Variants in DAXX observed in about 807,000 individuals in gnomAD.
DAXX encodes the protein death domain-associated protein 6.
A neutral mutation model predicts 61.9 loss-of-function variants in DAXX; 24 were observed. That is an observed-to-expected ratio of 0.39 (90% CI 0.28 to 0.55). The LOEUF is 0.55. Ranked by LOEUF, DAXX falls within the 20% of genes least tolerant of loss-of-function variation. The pLI is 0.69. For missense variants in DAXX, 819 were observed against 935.3 expected (o/e 0.88, Z 1.62); for synonymous variants, 357 against 369.5 (o/e 0.97, Z 0.39).
At position 33,321,467 on chromosome 6, in the gene DAXX, G is replaced by A. The variant is rs200370559; in HGVS notation, c.308C>T (p.Ala103Val). ...QRAHSLFLAS[A>V]EFCNILSRVL... ...CCTAGAGAGGATGTTGCAGAACTCC[G>A]CCGAGGCCAAAAACAGAGAGTGGGC... The change falls in exon 3 of 8, where the codon GCG becomes GTG. Residue 103 changes from alanine (A) to valine (V), a missense_variant. Ala to Val is a moderately conservative substitution (Grantham distance 64). Coordinates refer to ENST00000374542, the MANE Select transcript of DAXX (RefSeq NM_001141969.2). This position sits in a 1 kb window ranked among gnomAD's most constrained non-coding sequence, Gnocchi z 7.2. The A allele has an allele frequency of 4.3e-5, 70 of 1,614,048 alleles. No individual in the cohort carries two copies. The highest frequency in any genetic ancestry group is 3.3e-4 in the African/African-American group (25 of 74,996).
At position 33,319,768 on chromosome 6, in the gene DAXX, A is replaced by T. The variant is rs1432371914; in HGVS notation, c.1552T>A (p.Ser518Thr). Reference sequence around the variant, plus strand: ...CGTCCTTTGTTTTGCTGCTCCCCTGAAGATCTGCTGATCTGTTTGCCAGGT... The same window carrying T: ...CGTCCTTTGTTTTGCTGCTCCCCTGTAGATCTGCTGATCTGTTTGCCAGGT... ...LEPGKQISRS[S>T]GEQQNKGRIV... Residue 518 changes from serine to threonine, a missense_variant, in exon 6 of 8, where the codon TCA (serine) becomes ACA (threonine). Ser to Thr is a moderately conservative substitution (Grantham distance 58). Coordinates refer to ENST00000374542, the MANE Select transcript of DAXX (RefSeq NM_001141969.2). The T allele has an allele frequency of 1.2e-6, 2 of 1,614,160 alleles. No individual in the cohort carries two copies. Among genetic ancestry groups the T allele is most frequent in the Admixed American group, 3.3e-5 (2 of 60,018 alleles).
At position 33,321,818 on chromosome 6, in the gene DAXX, T is replaced by C. The variant is rs1770661499; in HGVS notation, c.108A>G (p.Ala36=). The part of the protein sequence containing the change: ...HPLPNAASPG[A]EAPSSSEPHG... Reference sequence around the variant, plus strand: ...GAGGCTCAGAGGAGCTAGGGGCTTCTGCCCCAGGTGAGGCCGCATTGGGGA... The same window carrying C: ...GAGGCTCAGAGGAGCTAGGGGCTTCCGCCCCAGGTGAGGCCGCATTGGGGA... Residue 36 remains alanine, a synonymous_variant, in exon 2 of 8, where the codon GCA becomes GCG. Coordinates refer to ENST00000374542, the MANE Select transcript of DAXX (RefSeq NM_001141969.2). The surrounding 1 kb of genome is among the most constrained non-coding windows in gnomAD (Gnocchi z 7.2). 7 of 1,610,016 alleles carry C rather than the reference T, an allele frequency of 4.3e-6. No homozygotes were observed. The highest frequency in any genetic ancestry group is 5.1e-6 in the Non-Finnish European group (6 of 1,176,692).
In DAXX at chr6:33,320,348, A is replaced by AT; in HGVS notation, c.1251+31dup. 3 of 1,521,160 alleles carry AT rather than the reference A, an allele frequency of 2.0e-6. No homozygotes were observed. Among genetic ancestry groups the AT allele is most frequent in the Non-Finnish European group, 2.7e-6 (3 of 1,094,974 alleles). The allele number at this position is 1,521,160 out of a possible 1,614,324, so 94.2% of individuals were successfully genotyped here. A position where few individuals can be genotyped will look rare whatever the true frequency, so the allele number is the denominator to read the frequency against. On this transcript the variant is annotated intron_variant, in intron 4 of 7. Coordinates refer to ENST00000374542, the MANE Select transcript of DAXX (RefSeq NM_001141969.2). The surrounding 1 kb of genome is among the most constrained non-coding windows in gnomAD (Gnocchi z 7.1). ...TGGTGGCCAGTGCAGGGGAAGGACA[A>AT]TGTCTCTCTGAAGGCTGTACCCCAT... is the stretch of plus-strand genomic sequence containing the variant.
Position 33,321,845 on chromosome 6 carries a change from T to C in DAXX, c.81A>G (p.Pro27=). The change falls in exon 2 of 8, where the codon CCA becomes CCG. Residue 27 remains proline (P), a synonymous_variant. Coordinates refer to ENST00000374542, the MANE Select transcript of DAXX (RefSeq NM_001141969.2). The surrounding 1 kb of genome is among the most constrained non-coding windows in gnomAD (Gnocchi z 7.2). ...EAAAQPGPSH[P]LPNAASPGAE... The stretch of plus-strand genomic sequence containing the variant: ...CCCCAGGTGAGGCCGCATTGGGGAG[T>C]GGGTGGGAGGGCCCTGGCTGAGCAG... The C allele has an allele frequency of 6.2e-7, 1 of 1,611,412 alleles. No individual in the cohort carries two copies.
rs2150992965 is a variant in DAXX, at chr6:33,320,567, G to A, written c.1064C>T (p.Pro355Leu). 6.2e-7 allele frequency: 1 copy of A among 1,613,882 alleles called. No individual in the cohort carries two copies. Among genetic ancestry groups the A allele is most frequent in the Admixed American group, 1.7e-5 (1 of 60,012 alleles). ...TTCCCGAAGGCGCCGGGCCAACACA[G>A]GATCTGATAGTGCAGGGTCAACGCC... ...RPGVDPALSD[P>L]VLARRLRENR... Residue 355 changes from proline (P) to leucine (L), a missense_variant, in exon 4 of 8, where the codon CCT becomes CTT. Transcript: ENST00000374542. The surrounding 1 kb of genome is among the most constrained non-coding windows in gnomAD (Gnocchi z 7.1).
At position 33,318,821 on chromosome 6, in the gene DAXX, CA is replaced by C; in HGVS notation, c.2164-20del. On this transcript the variant is annotated intron_variant, in intron 7 of 7. Coordinates refer to ENST00000374542, the MANE Select transcript of DAXX (RefSeq NM_001141969.2). ...CACTTGTCTGCAGGGAAGTGAGAGA[CA>C]AAGAGTCAAAGAGATCTGGAGTACA... The C allele has an allele frequency of 7.0e-7, 1 of 1,429,374 alleles. No individual in the cohort carries two copies. The highest frequency in any genetic ancestry group is 9.7e-7 in the Non-Finnish European group (1 of 1,033,672). 88.5% of individuals were successfully genotyped at this position (1,429,374 alleles called of 1,614,324 possible).
intron 1 of DAXX, 159 bp from the exon 2 acceptor site, chr6:33,322,136 G>C: frequency 2.1e-6 from 1 of 483,012 alleles, no homozygotes; most frequent in East Asian, 3.3e-5. Flanking sequence ...TATGCTTTTT[G>C]GGGCCCTTCA....
Position 33,320,580 on chromosome 6 carries a change from C to A in DAXX, c.1051G>T (p.Ala351Ser). ...TDDYRPGVDP[A>S]LSDPVLARRL... is the part of the protein sequence containing the mutation. ...CGGGCCAACACAGGATCTGATAGTG[C>A]AGGGTCAACGCCTACGTGGGAAGAC... is the stretch of plus-strand genomic sequence containing the variant. The change falls in exon 4 of 8, where the codon GCA (alanine) becomes TCA (serine). Residue 351 changes from alanine to serine, a missense_variant. Ala to Ser is a moderately conservative substitution (Grantham distance 99). Coordinates refer to ENST00000374542, the MANE Select transcript of DAXX (RefSeq NM_001141969.2). The surrounding 1 kb of genome is among the most constrained non-coding windows in gnomAD (Gnocchi z 7.1). 6.2e-7 allele frequency: 1 copy of A among 1,613,646 alleles called. No individual in the cohort carries two copies. Among genetic ancestry groups the A allele is most frequent in the Non-Finnish European group, 8.5e-7 (1 of 1,179,902 alleles).
rs746835251 is a variant in DAXX, at chr6:33,321,168, G to T, written c.607C>A (p.Arg203=). The stretch of plus-strand genomic sequence containing the variant: ...TCCAACTCCTTTTCCTGCAGCCGCC[G>T]GATCTCTGCCACATAGAGCGCCAGC... ...QLLALYVAEI[R]RLQEKELDLS... Residue 203 remains arginine, a synonymous_variant, in exon 3 of 8, where the codon CGG becomes AGG. Coordinates refer to ENST00000374542, the MANE Select transcript of DAXX (RefSeq NM_001141969.2). This position sits in a 1 kb window ranked among gnomAD's most constrained non-coding sequence, Gnocchi z 7.2. 1 of 1,613,636 alleles carries T rather than the reference G, an allele frequency of 6.2e-7. No homozygotes were observed. Among genetic ancestry groups the T allele is most frequent in the Admixed American group, 1.7e-5 (1 of 59,990 alleles).
In DAXX at chr6:33,321,822, C is replaced by T. The variant is rs1342660558; in HGVS notation, c.104G>A (p.Gly35Glu). The change falls in exon 2 of 8, where the codon GGG becomes GAG. Residue 35 changes from glycine (G) to glutamate (E), a missense_variant. Coordinates refer to ENST00000374542, the MANE Select transcript of DAXX (RefSeq NM_001141969.2). This position sits in a 1 kb window ranked among gnomAD's most constrained non-coding sequence, Gnocchi z 7.2. ...CTCAGAGGAGCTAGGGGCTTCTGCC[C>T]CAGGTGAGGCCGCATTGGGGAGTGG... The part of the protein sequence containing the change: ...SHPLPNAASP[G>E]AEAPSSSEPH... 6.2e-7 allele frequency: 1 copy of T among 1,612,686 alleles called. No individual in the cohort carries two copies. Among genetic ancestry groups the T allele is most frequent in the Admixed American group, 1.7e-5 (1 of 60,008 alleles).
chr6:33,321,821 C>A lies in DAXX; in HGVS notation c.105G>T (p.Gly35=). 1 of 1,612,768 alleles carries A rather than the reference C, an allele frequency of 6.2e-7. No individual in the cohort carries two copies. The highest frequency in any genetic ancestry group is 8.5e-7 in the Non-Finnish European group (1 of 1,179,256). The change falls in exon 2 of 8, where the codon GGG becomes GGT. Residue 35 remains glycine, a synonymous_variant. Transcript: ENST00000374542. This position sits in a 1 kb window ranked among gnomAD's most constrained non-coding sequence, Gnocchi z 7.2. ...SHPLPNAASP[G]AEAPSSSEPH... is the part of the protein sequence containing the mutation. ...GCTCAGAGGAGCTAGGGGCTTCTGC[C>A]CCAGGTGAGGCCGCATTGGGGAGTG...
rs1312306515 is a variant in DAXX, at chr6:33,320,109, T to A, written c.1367A>T (p.Glu456Val). Residue 456 changes from glutamate to valine, a missense_variant, in exon 5 of 8, where the codon GAG becomes GTG. Coordinates refer to ENST00000374542, the MANE Select transcript of DAXX (RefSeq NM_001141969.2). This position sits in a 1 kb window ranked among gnomAD's most constrained non-coding sequence, Gnocchi z 7.1. ...EEEEEEEEEE[E>V]EATDSEEEED... ...CTCCTCTTCAGAATCTGTGGCCTCC[T>A]CCTCTTCTTCTTCCTCCTCCTCCTC... is the stretch of plus-strand genomic sequence containing the variant. 6.2e-7 allele frequency: 1 copy of A among 1,613,914 alleles called. No homozygotes were observed. Among genetic ancestry groups the A allele is most frequent in the African/African-American group, 1.3e-5 (1 of 74,894 alleles).
rs777013248 is a variant in DAXX, at chr6:33,319,540, C to T, written c.1780G>A (p.Glu594Lys). 1.2e-6 allele frequency: 2 copies of T among 1,614,178 alleles called. No homozygotes were observed. The highest frequency in any genetic ancestry group is 2.2e-5 in the East Asian group (1 of 44,888). ...TDISSSRKQS[E>K]EPFTTVLENG... is the part of the protein sequence containing the mutation. ...TCTAAGACAGTGGTGAAGGGCTCCT[C>T]TGATTGCTTCCTGGAAGAGGAAATG... Residue 594 changes from glutamate to lysine, a missense_variant, in exon 6 of 8, where the codon GAG becomes AAG. Coordinates refer to ENST00000374542, the MANE Select transcript of DAXX (RefSeq NM_001141969.2).
In DAXX at chr6:33,320,744, T is replaced by C; in HGVS notation, c.1031A>G (p.Tyr344Cys). ...TCCCACCAACCCCCTACCTGGCCTA[T>C]AGTCATCTGTGAGGTGGCAGCCAAA... ...YNFGCHLTDD[Y>C]RPGVDPALSD... Residue 344 changes from tyrosine (Y) to cysteine (C), a missense_variant, in exon 3 of 8, where the codon TAT (tyrosine) becomes TGT (cysteine). Transcript: ENST00000374542. The surrounding 1 kb of genome is among the most constrained non-coding windows in gnomAD (Gnocchi z 7.1). 2 of 1,613,978 alleles carry C rather than the reference T, an allele frequency of 1.2e-6. No homozygotes were observed. Among genetic ancestry groups the C allele is most frequent in the Non-Finnish European group, 1.7e-6 (2 of 1,179,880 alleles).
At position 33,321,534 on chromosome 6, in the gene DAXX, G is replaced by C; in HGVS notation, c.241C>G (p.His81Asp). ...TAGAGGAATGGGACCACCTCAGGGT[G>C]GTCTGCTGTCTGCATCTTACAAAGT... ...LELCKMQTAD[H>D]PEVVPFLYNR... The change falls in exon 3 of 8, where the codon CAC (histidine) becomes GAC (aspartate). Residue 81 changes from histidine (H) to aspartate (D), a missense_variant. His to Asp is a moderately conservative substitution (Grantham distance 81). Coordinates refer to ENST00000374542, the MANE Select transcript of DAXX (RefSeq NM_001141969.2). The surrounding 1 kb of genome is among the most constrained non-coding windows in gnomAD (Gnocchi z 7.2). The C allele has an allele frequency of 6.2e-7, 1 of 1,613,918 alleles. No homozygotes were observed. The highest frequency in any genetic ancestry group is 8.5e-7 in the Non-Finnish European group (1 of 1,179,934).
chr6:33,320,872 G>A lies in DAXX; in HGVS notation c.903C>T (p.Ser301=), dbSNP rs775040794. The change falls in exon 3 of 8, where the codon AGC becomes AGT. Residue 301 remains serine, a synonymous_variant. Coordinates refer to ENST00000374542, the MANE Select transcript of DAXX (RefSeq NM_001141969.2). The surrounding 1 kb of genome is among the most constrained non-coding windows in gnomAD (Gnocchi z 7.1). ...RAVEKAAARH[S]LGLPRQQLQL... ...GGAGCTGCTGTCGGGGGAGGCCAAG[G>A]CTGTGTCGGGCAGCTGCCTTCTCTA... The A allele has an allele frequency of 1.2e-6, 2 of 1,614,058 alleles. No individual in the cohort carries two copies. The highest frequency in any genetic ancestry group is 3.3e-5 in the Admixed American group (2 of 60,002).
At chr6:33,322,015 C>T (rs1770690379) in intron 1 of DAXX, 38 bp from the exon 2 acceptor site, 1 of 1,451,574 alleles carries the variant, frequency 6.9e-7, no homozygotes, top group African/African-American at 1.4e-5. Context: ...GCCCCTCCAG[C>T]ATAGCCCCAT....
In DAXX at chr6:33,321,139, G is replaced by A. The variant is rs1357983091; in HGVS notation, c.636C>T (p.Leu212=). The A allele has an allele frequency of 5.0e-6, 8 of 1,613,614 alleles. No homozygotes were observed. The highest frequency in any genetic ancestry group is 2.2e-5 in the South Asian group (2 of 91,080). Reference sequence around the variant, plus strand: ...CGGAGTCTGGGTCATCCAATTCTGAGAGATCCAACTCCTTTTCCTGCAGCC... The same window carrying A: ...CGGAGTCTGGGTCATCCAATTCTGAAAGATCCAACTCCTTTTCCTGCAGCC... The part of the protein sequence containing the change: ...IRRLQEKELD[L]SELDDPDSAY... Residue 212 remains leucine, a synonymous_variant, in exon 3 of 8, where the codon CTC becomes CTT. Transcript: ENST00000374542. This position sits in a 1 kb window ranked among gnomAD's most constrained non-coding sequence, Gnocchi z 7.2.
At chr6:33,322,139 G>C in intron 1 of DAXX, 162 bp from the exon 2 acceptor site, 1 of 425,628 alleles carries the variant, frequency 2.3e-6, no homozygotes, top group Non-Finnish European at 4.0e-6. Flanking sequence ...GCTTTTTGGG[G>C]CCCTTCAAGT....
Sources: gnomAD v4.1 joint callset for allele counts on GRCh38, gnomAD v4.1.1 for gene constraint, Gnocchi (gnomAD v3.1) non-coding constraint, MANE v1.5 for transcripts, NCBI Gene and HGNC (gene_info 2026-07-23, HGNC 2026-07-21) for gene names.